CORO2B: variants seen among roughly 807,000 people sequenced by gnomAD.
CORO2B encodes the protein coronin 2B, also known as coronin-2B.
A neutral mutation model predicts 58.8 loss-of-function variants in CORO2B; 26 were observed. The observed-to-expected ratio is 0.44, with a 90% CI of 0.32 to 0.61. The LOEUF (loss-of-function observed/expected upper bound fraction) is 0.61, where lower values mean the gene tolerates loss of function less well. Among genes scored for constraint, CORO2B ranks in the 20% least tolerant of loss-of-function variants. The probability of loss-of-function intolerance (pLI) is 0.04; values close to 1 mark genes in which losing one functional copy is unlikely to be tolerated. For missense variants in CORO2B, 460 were observed against 645.1 expected, an observed-to-expected ratio of 0.71 and a Z score of 3.11; for synonymous variants, 242 against 253.8, an observed-to-expected ratio of 0.95 and a Z score of 0.44.
At chr15:68,625,344 T>G (rs1334619881) in intron 1 of CORO2B, among the ~76,000 whole-genome samples, 1 of 152,078 alleles carries the variant, frequency 6.6e-6, no homozygotes, top group Non-Finnish European at 1.5e-5. Context: ...AGTGTCCACT[T>G]CTATGCATTT....
upstream of CORO2B, among the ~76,000 whole-genome samples, chr15:68,575,950 C>G (rs1217476590): frequency 6.6e-6 from 1 of 151,404 alleles, no homozygotes; most frequent in African/African-American, 2.4e-5. Context: ...GTCAGGAGTT[C>G]GAGACCAGCC....
chr15:68,558,736 G>A, the CORO2B span, among the ~76,000 whole-genome samples: 4 of 152,234 alleles, frequency 2.6e-5, no homozygotes, highest in East Asian at 5.8e-4. Flanking sequence ...GTGGACACGG[G>A]GTCACCCACC....
At chr15:68,709,011 A>G (rs1892849039) in intron 3 of CORO2B, among the ~76,000 whole-genome samples, 1 of 152,234 alleles carries the variant, frequency 6.6e-6, no homozygotes, top group Non-Finnish European at 1.5e-5. Context: ...TTCTGCATTT[A>G]TTCATAGCCT....
chr15:68,530,745 C>T, the CORO2B span, among the ~76,000 whole-genome samples: 41 of 152,188 alleles, frequency 2.7e-4, no homozygotes, highest in African/African-American at 9.4e-4. Context: ...TTTTTCTAAA[C>T]ACTACTTCTT....
At chr15:68,632,048 G>C in intron 1 of CORO2B, 1 of 985,468 alleles carries the variant, frequency 1.0e-6, no homozygotes, top group Non-Finnish European at 1.2e-6. Flanking sequence ...TAGCAGCCAG[G>C]CCTCCCAGGC....
chr15:68,583,865 C>T (rs1016263353), intron 1 of CORO2B, among the ~76,000 whole-genome samples: 6 of 152,202 alleles, frequency 3.9e-5, no homozygotes, highest in African/African-American at 7.2e-5. Flanking sequence ...ACCCAGCTCC[C>T]GGGTGGGAGC....
chr15:68,720,487 AG>A (rs1024776259), intron 11 of CORO2B, among the ~76,000 whole-genome samples: 19 of 152,182 alleles, frequency 1.2e-4, no homozygotes, highest in African/African-American at 4.3e-4. Context: ...GTCTCTCATG[AG>A]GGTACAGTTA....
At chr15:68,649,279 T>G (rs1901558991) in intron 2 of CORO2B, among the ~76,000 whole-genome samples, 1 of 152,250 alleles carries the variant, frequency 6.6e-6, no homozygotes, top group Non-Finnish European at 1.5e-5. Context: ...TAATATATTT[T>G]ATTTAACTTG....
intron 2 of CORO2B, among the ~76,000 whole-genome samples, chr15:68,657,395 T>G (rs538607240): frequency 7.3e-5 from 11 of 151,718 alleles, no homozygotes; most frequent in Non-Finnish European, 1.3e-4. Flanking sequence ...CATATGCTAG[T>G]AGTCCCAGAT....
chr15:68,611,671 G>A (rs939594718), intron 1 of CORO2B, among the ~76,000 whole-genome samples: 1 of 151,904 alleles, frequency 6.6e-6, no homozygotes, highest in Non-Finnish European at 1.5e-5. Context: ...GTGCTTCAAA[G>A]TATGATTTTT....
chr15:68,612,659 C>T (rs1900271007), intron 1 of CORO2B, among the ~76,000 whole-genome samples: 1 of 152,198 alleles, frequency 6.6e-6, no homozygotes, highest in Non-Finnish European at 1.5e-5. Flanking sequence ...TGAGTTCACA[C>T]CTTGGTCTGC....
chr15:68,609,450 G>A (rs765886258), intron 1 of CORO2B, among the ~76,000 whole-genome samples: 19 of 152,294 alleles, frequency 1.2e-4, no homozygotes, highest in South Asian at 4.1e-4. Context: ...TCAGTTTGTG[G>A]TCCACATCAA....
upstream of CORO2B, among the ~76,000 whole-genome samples, chr15:68,574,053 G>A (rs542394774): frequency 1.3e-5 from 2 of 152,288 alleles, no homozygotes; most frequent in Admixed American, 1.3e-4. Context: ...ACTTCAACCT[G>A]AGGACACCAG....
chr15:68,564,099 T>C, the CORO2B span, among the ~76,000 whole-genome samples: 5 of 152,198 alleles, frequency 3.3e-5, no homozygotes, highest in Non-Finnish European at 5.9e-5. Flanking sequence ...AAACATTAGA[T>C]GGTCTAAGTT....
intron 1 of CORO2B, among the ~76,000 whole-genome samples, chr15:68,586,300 G>A (rs1899556083): frequency 6.6e-6 from 1 of 152,144 alleles, no homozygotes; most frequent in Non-Finnish European, 1.5e-5. Flanking sequence ...TGAGTGTCCT[G>A]GGGCTTATGA....
the CORO2B span, among the ~76,000 whole-genome samples, chr15:68,548,185 A>ATG: frequency 5.4e-5 from 5 of 92,210 alleles, no homozygotes; most frequent in Admixed American, 5.0e-4. Context: ...ATATATATAT[A>ATG]TATATGTGTG....
At chr15:68,590,639 C>A (rs1899680946) in intron 1 of CORO2B, among the ~76,000 whole-genome samples, 1 of 152,214 alleles carries the variant, frequency 6.6e-6, no homozygotes, top group African/African-American at 2.4e-5. Flanking sequence ...CTATAGAATT[C>A]CCTTCCTTTG....
intron 2 of CORO2B, among the ~76,000 whole-genome samples, chr15:68,665,176 A>G (rs1042368297): frequency 6.6e-6 from 1 of 152,136 alleles, no homozygotes; most frequent in Non-Finnish European, 1.5e-5. Flanking sequence ...TGAGGTATAG[A>G]TTAACTTTTT....
chr15:68,604,920 T>C (rs1032762630), intron 1 of CORO2B, among the ~76,000 whole-genome samples: 4 of 151,854 alleles, frequency 2.6e-5, no homozygotes, highest in Non-Finnish European at 5.9e-5. Context: ...TCAAGACCAA[T>C]CTGGCCAACA....
Sources: gnomAD v4.1 joint callset for allele counts (sites outside exome capture counted in the v4.1 genomes callset) on GRCh38, gnomAD v4.1.1 for gene constraint, MANE v1.5 for transcripts, NCBI Gene and HGNC (gene_info 2026-07-23, HGNC 2026-07-21) for gene names.